The following ELMO1 variants were observed in gnomAD, a reference collection of about 807,000 sequenced individuals.
ELMO1 encodes the protein engulfment and cell motility 1.
In ELMO1, 26 loss-of-function variants were observed where a neutral mutation model predicts 98.9. The ratio of observed to expected loss-of-function variants is 0.26; its 90% CI spans 0.19 to 0.36. ELMO1 has a LOEUF of 0.36. Among genes scored for constraint, ELMO1 ranks in the 10% least tolerant of loss-of-function variants. The pLI is 1.00. For synonymous variants in ELMO1, 346 were observed against 346.0 expected (o/e 1.00, Z 0.00); for missense variants, 627 against 935.2 (o/e 0.67, Z 4.30).
At chr7:37,247,259 C>T (rs2080410) in intron 6 of ELMO1, among the ~76,000 whole-genome samples, 71,356 of 151,966 alleles carry the variant, frequency 0.47, 18,483 homozygotes, top group African/African-American at 0.7. Context: ...ATGTTACCTA[C>T]GGTTTTGAAA....
At chr7:37,099,524 T>C (rs145382197) in intron 14 of ELMO1, among the ~76,000 whole-genome samples, 1 of 152,310 alleles carries the variant, frequency 6.6e-6, no homozygotes, top group Non-Finnish European at 1.5e-5. Flanking sequence ...GCAAATATGC[T>C]AGAACAGAAA....
At chr7:37,163,914 C>T (rs1399709853) in intron 13 of ELMO1, among the ~76,000 whole-genome samples, 1 of 152,248 alleles carries the variant, frequency 6.6e-6, no homozygotes. Flanking sequence ...AATCGCCACA[C>T]TGACTTCCAC....
At chr7:37,239,241 C>T (rs976277148) in intron 7 of ELMO1, among the ~76,000 whole-genome samples, 12 of 152,270 alleles carry the variant, frequency 7.9e-5, no homozygotes, top group African/African-American at 2.9e-4. Context: ...CGTCGGCTCA[C>T]TGAAACCTCC....
chr7:37,424,298 T>C (rs1429920838), intron 1 of ELMO1, among the ~76,000 whole-genome samples: 1 of 152,234 alleles, frequency 6.6e-6, no homozygotes, highest in Non-Finnish European at 1.5e-5. Context: ...CTTCTCATAC[T>C]GTACGAACAT....
At chr7:37,122,832 A>G (rs1786170387) in intron 14 of ELMO1, among the ~76,000 whole-genome samples, 1 of 152,202 alleles carries the variant, frequency 6.6e-6, no homozygotes, top group East Asian at 1.9e-4. Flanking sequence ...CAGAATATAC[A>G]TTCTTCTCAG....
At chr7:37,143,413 A>G (rs1370604424) in intron 13 of ELMO1, among the ~76,000 whole-genome samples, 2 of 151,962 alleles carry the variant, frequency 1.3e-5, no homozygotes, top group Admixed American at 6.6e-5. Context: ...CTTTTTATTT[A>G]TTTATTTTTT....
intron 6 of ELMO1, among the ~76,000 whole-genome samples, chr7:37,248,323 G>A (rs1021460754): frequency 4.6e-5 from 7 of 152,030 alleles, no homozygotes; most frequent in Non-Finnish European, 7.4e-5. Flanking sequence ...CCCAAGGAAC[G>A]GCATTTTTTT....
chr7:36,958,960 C>G (rs1413294793), intron 16 of ELMO1, among the ~76,000 whole-genome samples: 2 of 152,088 alleles, frequency 1.3e-5, no homozygotes, highest in Admixed American at 6.6e-5. Flanking sequence ...TATATCTGCA[C>G]TTGGGTGTCT....
chr7:37,398,405 C>T (rs1267831501), intron 1 of ELMO1, among the ~76,000 whole-genome samples: 1 of 152,198 alleles, frequency 6.6e-6, no homozygotes, highest in Non-Finnish European at 1.5e-5. Flanking sequence ...CATTGTCTTT[C>T]TTTTGAAGCC....
intron 12 of ELMO1, 29 bp from the exon 13 acceptor site, chr7:37,211,546 G>A (rs887002858): frequency 6.2e-6 from 10 of 1,609,188 alleles, no homozygotes; most frequent in Non-Finnish European, 6.8e-6. Flanking sequence ...AAAAAGAAAA[G>A]GGAGGGGAAA....
intron 16 of ELMO1, among the ~76,000 whole-genome samples, chr7:36,933,628 C>T (rs1250838225): frequency 6.6e-6 from 1 of 152,182 alleles, no homozygotes; most frequent in Non-Finnish European, 1.5e-5. Flanking sequence ...TGCTAAGAGG[C>T]TCCGTCTCTG....
At chr7:36,862,479 T>G (rs1802715734) in intron 20 of ELMO1, among the ~76,000 whole-genome samples, 1 of 152,254 alleles carries the variant, frequency 6.6e-6, no homozygotes, top group Admixed American at 6.5e-5. Flanking sequence ...TCATTGCAGG[T>G]GAATGACCAA....
intron 14 of ELMO1, among the ~76,000 whole-genome samples, chr7:37,132,835 G>A (rs1787018260): frequency 6.6e-6 from 1 of 152,028 alleles, no homozygotes; most frequent in Admixed American, 6.5e-5. Context: ...GTTCATTTTT[G>A]TTCCTTGTTA....
intron 14 of ELMO1, chr7:37,116,939 CCTGCAT>C (rs759030415): frequency 9.4e-6 from 2 of 212,126 alleles, no homozygotes; most frequent in Non-Finnish European, 2.0e-5. Flanking sequence ...CAGGCTACAT[CCTGCAT>C]CTGATGGAGG....
intron 13 of ELMO1, among the ~76,000 whole-genome samples, chr7:37,158,736 G>A (rs886282775): frequency 6.6e-6 from 1 of 152,236 alleles, no homozygotes. Context: ...CATTGTGGAA[G>A]ACAGTGTGGC....
intron 18 of ELMO1, among the ~76,000 whole-genome samples, chr7:36,883,637 C>T (rs1232413338): frequency 2.6e-5 from 4 of 152,110 alleles, no homozygotes; most frequent in East Asian, 1.9e-4. Context: ...TGAAGCTCCT[C>T]GCTGACCCTG....
intron 10 of ELMO1, among the ~76,000 whole-genome samples, chr7:37,219,227 T>C (rs1793463456): frequency 6.6e-6 from 1 of 152,164 alleles, no homozygotes; most frequent in Non-Finnish European, 1.5e-5. Flanking sequence ...CACAGGCCTC[T>C]CTCAGTAAGG....
intron 13 of ELMO1, among the ~76,000 whole-genome samples, chr7:37,153,533 T>C (rs144731508): frequency 4.5e-4 from 69 of 152,256 alleles, no homozygotes; most frequent in Non-Finnish European, 9.1e-4. Flanking sequence ...CTTGGGATGC[T>C]AGCACAGCAA....
At chr7:37,421,207 G>C (rs1804456908) in intron 1 of ELMO1, among the ~76,000 whole-genome samples, 1 of 152,214 alleles carries the variant, frequency 6.6e-6, no homozygotes, top group Non-Finnish European at 1.5e-5. Context: ...GCAGCCAGAA[G>C]CCTCTGCCAA....
Sources: gnomAD v4.1 joint callset for allele counts (sites outside exome capture counted in the v4.1 genomes callset) on GRCh38, gnomAD v4.1.1 for gene constraint, MANE v1.5 for transcripts, NCBI Gene and HGNC (gene_info 2026-07-23, HGNC 2026-07-21) for gene names.